CACNA1D: variants seen among roughly 807,000 people sequenced by gnomAD.
The protein encoded by CACNA1D is voltage-dependent L-type calcium channel subunit alpha-1D.
A neutral mutation model predicts 257.1 loss-of-function variants in CACNA1D; 55 were observed. That is an observed-to-expected ratio of 0.21 (90% CI 0.17 to 0.27). The LOEUF (loss-of-function observed/expected upper bound fraction) is 0.27, where lower values mean the gene tolerates loss of function less well. Ranked by LOEUF, CACNA1D falls within the 10% of genes least tolerant of loss-of-function variation. The pLI is 1.00. For missense variants in CACNA1D, 1,876 were observed against 2,784.0 expected (o/e 0.67, Z 7.34); for synonymous variants, 980 against 1,014.9 (o/e 0.97, Z 0.65).
At chr3:53,692,553 G>T (rs1000154625) in intron 8 of CACNA1D, among the ~76,000 whole-genome samples, 1 of 152,138 alleles carries the variant, frequency 6.6e-6, no homozygotes, top group African/African-American at 2.4e-5. Context: ...CATCCCTACC[G>T]CACTCTCCTG....
chr3:53,623,113 G>A (rs188716437), intron 3 of CACNA1D, among the ~76,000 whole-genome samples: 50 of 152,298 alleles, frequency 3.3e-4, no homozygotes, highest in Non-Finnish European at 5.7e-4. Context: ...GGATGGTCTG[G>A]ATCTGACCTC....
chr3:53,592,729 G>C (rs552403968), intron 3 of CACNA1D, among the ~76,000 whole-genome samples: 1 of 151,488 alleles, frequency 6.6e-6, no homozygotes, highest in Non-Finnish European at 1.5e-5. Context: ...TTTAGATGGA[G>C]TTTTGCTCTT....
In CACNA1D at chr3:53,735,395, G is replaced by A. The variant is rs1576501865; in HGVS notation, c.2643G>A (p.Lys881=). Reference sequence around the variant, plus strand: ...GCAGGATCCGCGTAGGCTGCCACAAGCTCATCAACCACCACATCTTCACCA... The same window carrying A: ...GCAGGATCCGCGTAGGCTGCCACAAACTCATCAACCACCACATCTTCACCA... The part of the protein sequence containing the change: ...KTNPIRVGCH[K]LINHHIFTNL... Residue 881 remains lysine, a synonymous_variant, in exon 20 of 48, where the codon AAG becomes AAA. Transcript: ENST00000350061. 6.2e-6 allele frequency: 10 copies of A among 1,614,116 alleles called. No homozygotes were observed. Among genetic ancestry groups the A allele is most frequent in the East Asian group, 4.5e-5 (2 of 44,878 alleles).
rs1421045138 is a variant in CACNA1D, at chr3:53,753,685, G to A, written c.3786+3G>A. On this transcript the variant is annotated splice_donor_region_variant and intron_variant, in intron 29 of 47. Coordinates refer to ENST00000350061, the MANE Select transcript of CACNA1D (RefSeq NM_001128840.3). Reference sequence around the variant, plus strand: ...AAGTCATCGCATTTAAGCCTAAGGTGAGTTGCAGAACCCACTTTTCAAAGG... The same window carrying A: ...AAGTCATCGCATTTAAGCCTAAGGTAAGTTGCAGAACCCACTTTTCAAAGG... The A allele has an allele frequency of 8.3e-6, 13 of 1,574,712 alleles. No homozygotes were observed. The South Asian group carries it at 1.4e-4, about 17-fold the overall frequency.
At chr3:53,804,442 G>C (rs1242203188) in intron 44 of CACNA1D, among the ~76,000 whole-genome samples, 2 of 152,202 alleles carry the variant, frequency 1.3e-5, no homozygotes, top group African/African-American at 4.8e-5. Context: ...TCGAGGGCCT[G>C]CTCTAGGGCC....
chr3:53,722,559 G>T, intron 12 of CACNA1D, 85 bp downstream of exon 12: 1 of 1,318,698 alleles, frequency 7.6e-7, no homozygotes, highest in Non-Finnish European at 1.1e-6. Context: ...TCTGATCGCT[G>T]CATGATGAAG....
chr3:53,724,027 G>T, intron 14 of CACNA1D, 28 bp downstream of exon 14: 4 of 1,573,632 alleles, frequency 2.5e-6, no homozygotes, highest in Non-Finnish European at 3.5e-6. Context: ...TCCCCGAAAA[G>T]CACTTCGTGA....
chr3:53,500,936 G>A (rs1270467669), intron 2 of CACNA1D, among the ~76,000 whole-genome samples: 1 of 152,148 alleles, frequency 6.6e-6, no homozygotes, highest in Non-Finnish European at 1.5e-5. Context: ...CACAGTAACA[G>A]CATATTATAA....
At chr3:53,778,401 G>C (rs1203240811) in intron 37 of CACNA1D, among the ~76,000 whole-genome samples, 11 of 152,168 alleles carry the variant, frequency 7.2e-5, no homozygotes, top group Non-Finnish European at 1.6e-4. Flanking sequence ...AGGGTTCCCT[G>C]GCTGCCTGTG....
chr3:53,661,202 G>C (rs550198810), intron 5 of CACNA1D, among the ~76,000 whole-genome samples: 15 of 152,326 alleles, frequency 9.8e-5, no homozygotes, highest in African/African-American at 3.6e-4. Context: ...TGGGATTGCA[G>C]GGTGTGCCTG....
intron 30 of CACNA1D, chr3:53,762,401 C>T: frequency 4.7e-6 from 2 of 429,288 alleles, no homozygotes; most frequent in South Asian, 2.0e-5. Flanking sequence ...CCCACAGTGG[C>T]GTATCTATAA....
chr3:53,761,983 G>A lies in CACNA1D; in HGVS notation c.3787-15G>A, dbSNP rs369683471. On this transcript the variant is annotated splice_polypyrimidine_tract_variant and intron_variant, in intron 29 of 47. Coordinates refer to ENST00000350061, the MANE Select transcript of CACNA1D (RefSeq NM_001128840.3). Reference sequence around the variant, plus strand: ...TACATGCTCATAAACATCTGCCCTCGCCTGCTCTGTCCAGGGGTATTTTAG... The same window carrying A: ...TACATGCTCATAAACATCTGCCCTCACCTGCTCTGTCCAGGGGTATTTTAG... 11 of 1,589,148 alleles carry A rather than the reference G, an allele frequency of 6.9e-6. No homozygotes were observed. The African/African-American group carries it at 1.1e-4, about 16-fold the overall frequency.
intron 3 of CACNA1D, among the ~76,000 whole-genome samples, chr3:53,530,736 T>C (rs1177746552): frequency 6.6e-6 from 1 of 152,164 alleles, no homozygotes; most frequent in African/African-American, 2.4e-5. Flanking sequence ...TGTAACAGTC[T>C]CATTTGTTTC....
intron 5 of CACNA1D, among the ~76,000 whole-genome samples, chr3:53,664,868 T>C (rs185129008): frequency 1.1e-3 from 165 of 152,356 alleles, no homozygotes; most frequent in African/African-American, 3.8e-3. Flanking sequence ...GCCCTGAGCT[T>C]CAGAGCCTTT....
chr3:53,599,146 C>T (rs1395155343), intron 3 of CACNA1D, among the ~76,000 whole-genome samples: 1 of 151,900 alleles, frequency 6.6e-6, no homozygotes, highest in Non-Finnish European at 1.5e-5. Context: ...GACAGCTTTG[C>T]CTGAATTTCA....
rs375134739 is a variant in CACNA1D, at chr3:53,810,318, G to A, written c.6192+20G>A. 3.6e-5 allele frequency: 58 copies of A among 1,610,534 alleles called. No individual in the cohort carries two copies. In the African/African-American group the frequency reaches 3.6e-4, roughly 10 times the overall value. On this transcript the variant is annotated intron_variant, in intron 47 of 47. Transcript: ENST00000350061. ...GAGGCAGTGAGTACGGTTCTTGGCC[G>A]TGGTGGGCAGGAAGCACCAGGAGCA...
chr3:53,797,260 G>A (rs2095511765), intron 40 of CACNA1D, among the ~76,000 whole-genome samples: 1 of 152,108 alleles, frequency 6.6e-6, no homozygotes, highest in African/African-American at 2.4e-5. Context: ...ATAAATTCAG[G>A]GTGCTGTGCT....
At chr3:53,640,792 G>A (rs2108200702) in intron 3 of CACNA1D, among the ~76,000 whole-genome samples, 3 of 152,304 alleles carry the variant, frequency 2.0e-5, no homozygotes, top group Middle Eastern at 6.8e-3. Context: ...TGCCTGAATG[G>A]CAAAACATGT....
chr3:53,717,875 T>G (rs535339312), intron 9 of CACNA1D, among the ~76,000 whole-genome samples: 46 of 152,174 alleles, frequency 3.0e-4, no homozygotes, highest in Non-Finnish European at 6.2e-4. Flanking sequence ...GATTGACTCA[T>G]GAAATGTTAG....
Sources: gnomAD v4.1 joint callset for allele counts (sites outside exome capture counted in the v4.1 genomes callset) on GRCh38, gnomAD v4.1.1 for gene constraint, MANE v1.5 for transcripts, NCBI Gene and HGNC (gene_info 2026-07-23, HGNC 2026-07-21) for gene names.